Variants in CHD6 observed in about 807,000 individuals in gnomAD.
CHD6 encodes ATP-dependent chromatin remodeler CHD6.
CHD6 carries 50 observed loss-of-function variants against 276.9 expected under a neutral mutation model. That is an observed-to-expected ratio of 0.18 (90% CI 0.14 to 0.23). The LOEUF (loss-of-function observed/expected upper bound fraction) is 0.23. Among genes scored for constraint, CHD6 ranks in the 10% least tolerant of loss-of-function variants. The pLI is 1.00. For missense variants in CHD6, 2,564 were observed against 3,365.8 expected, an observed-to-expected ratio of 0.76 and a Z score of 5.89; for synonymous variants, 1,173 against 1,229.3, an observed-to-expected ratio of 0.95 and a Z score of 0.96.
chr20:41,460,883 T>C (rs939256767), intron 17 of CHD6, among the ~76,000 whole-genome samples: 1 of 152,142 alleles, frequency 6.6e-6, no homozygotes, highest in Non-Finnish European at 1.5e-5. Context: ...GTTCGCACTG[T>C]GTGCCTGGAG....
In CHD6 at chr20:41,514,897, C is replaced by A; in HGVS notation, c.610G>T (p.Glu204Ter). The part of the protein sequence containing the change: ...EKKKKGKRKS[E>*]TTVESLELDQ... ...AGCTCTAAACTCTCCACTGTAGTTT[C>A]ACTTTTCCTTTTTCCTTTCTTCTTT... Residue 204 changes from glutamate to a stop codon, truncating the protein, a stop_gained, in exon 4 of 37, where the codon GAA becomes TAA. Transcript: ENST00000373233. LOFTEE classifies it high-confidence loss of function. The A allele has an allele frequency of 6.2e-7, 1 of 1,614,054 alleles. No homozygotes were observed. Among genetic ancestry groups the A allele is most frequent in the Non-Finnish European group, 8.5e-7 (1 of 1,179,916 alleles).
At chr20:41,555,111 AC>A (rs1469176256) in intron 1 of CHD6, among the ~76,000 whole-genome samples, 1 of 117,502 alleles carries the variant, frequency 8.5e-6, no homozygotes, top group Non-Finnish European at 1.8e-5. Context: ...CGGGGGGCTG[AC>A]CCCCCCACCT....
At chr20:41,423,009 G>A (rs1260504786) in intron 30 of CHD6, among the ~76,000 whole-genome samples, 2 of 152,248 alleles carry the variant, frequency 1.3e-5, no homozygotes, top group African/African-American at 4.8e-5. Context: ...GCTGTTGCAA[G>A]TGCCAACCAT....
intron 17 of CHD6, among the ~76,000 whole-genome samples, chr20:41,472,257 A>AC (rs2043072085): frequency 6.8e-6 from 1 of 147,338 alleles, no homozygotes; most frequent in African/African-American, 2.6e-5. Context: ...AAAAAAAAAA[A>AC]GAAAGGAATA....
At chr20:41,597,831 C>A (rs749935630) in intron 1 of CHD6, among the ~76,000 whole-genome samples, 7 of 151,962 alleles carry the variant, frequency 4.6e-5, no homozygotes, top group Non-Finnish European at 8.8e-5. Context: ...TCTTGTTATA[C>A]CCTGTGGAGA....
rs2046568886 is a variant in CHD6, at chr20:41,402,762, CCTTT to C, written c.*1827_*1830del. The C allele has an allele frequency of 4.8e-6, 1 of 209,696 alleles. No homozygotes were observed. The highest frequency in any genetic ancestry group is 7.3e-5 in the East Asian group (1 of 13,702). The allele number at this position is 209,696 out of a possible 1,614,324, so 13.0% of individuals were successfully genotyped here. A position where few individuals can be genotyped will look rare whatever the true frequency, so the allele number is the denominator to read the frequency against. ...TTTAGGATTTAACAGCTGAAAAAACCCTTTCTGCTTCCACTGGAGGCAAAACTGA... is the reference window on the plus strand; with the variant it reads ...TTTAGGATTTAACAGCTGAAAAAACCCTGCTTCCACTGGAGGCAAAACTGA... On this transcript the variant is annotated 3_prime_UTR_variant, in exon 37 of 37. Coordinates refer to ENST00000373233, the MANE Select transcript of CHD6 (RefSeq NM_032221.5).
At chr20:41,559,019 G>A (rs2045271813) in intron 1 of CHD6, among the ~76,000 whole-genome samples, 1 of 152,148 alleles carries the variant, frequency 6.6e-6, no homozygotes, top group Non-Finnish European at 1.5e-5. Flanking sequence ...ACTTAAGGCA[G>A]GTCCTCTAAT....
In CHD6 at chr20:41,404,155, G is replaced by A. The variant is rs916678064; in HGVS notation, c.*438C>T. 8.5e-6 allele frequency: 9 copies of A among 1,060,372 alleles called. No individual in the cohort carries two copies. Among genetic ancestry groups the A allele is most frequent in the Non-Finnish European group, 8.0e-6 (7 of 876,948 alleles). 65.7% of individuals were successfully genotyped at this position (1,060,372 alleles called of 1,614,324 possible). A position where few individuals can be genotyped will look rare whatever the true frequency, so the allele number is the denominator to read the frequency against. ...AGCACTTCCTTTTTCTGTGCTTTTT[G>A]GTTCCCTGTGACATTCTTCCTGTGC... On this transcript the variant is annotated 3_prime_UTR_variant, in exon 37 of 37. Coordinates refer to ENST00000373233, the MANE Select transcript of CHD6 (RefSeq NM_032221.5).
intron 1 of CHD6, among the ~76,000 whole-genome samples, chr20:41,552,068 G>C (rs577655158): frequency 1.3e-5 from 2 of 152,166 alleles, no homozygotes; most frequent in African/African-American, 4.8e-5. Context: ...AAAGTGTGTC[G>C]GGGCATTTCA....
chr20:41,438,990 C>T (rs1360590680), intron 26 of CHD6, among the ~76,000 whole-genome samples: 1 of 152,190 alleles, frequency 6.6e-6, no homozygotes, highest in East Asian at 1.9e-4. Context: ...TCAGGTCTGG[C>T]CACAGACCTG....
At chr20:41,593,755 T>C (rs542030835) in intron 1 of CHD6, among the ~76,000 whole-genome samples, 3 of 152,206 alleles carry the variant, frequency 2.0e-5, no homozygotes, top group Admixed American at 6.5e-5. Flanking sequence ...ACTGGTATCC[T>C]TACAAAAAGA....
At chr20:41,583,330 T>C (rs188052376) in intron 1 of CHD6, among the ~76,000 whole-genome samples, 8 of 151,868 alleles carry the variant, frequency 5.3e-5, no homozygotes, top group Non-Finnish European at 8.8e-5. Context: ...AATAAAAAAT[T>C]CACCAGACTA....
chr20:41,594,194 C>A (rs1364518458), intron 1 of CHD6, among the ~76,000 whole-genome samples: 1 of 152,070 alleles, frequency 6.6e-6, no homozygotes, highest in Non-Finnish European at 1.5e-5. Flanking sequence ...CTGTTGGAAC[C>A]TTTTTACCTA....
At chr20:41,513,830 T>C (rs2044180961) in intron 4 of CHD6, among the ~76,000 whole-genome samples, 1 of 152,168 alleles carries the variant, frequency 6.6e-6, no homozygotes, top group Admixed American at 6.5e-5. Context: ...CTCCTGAGTG[T>C]CTCTCTTCTG....
Position 41,455,793 on chromosome 20 carries a change from C to A in CHD6, c.3009+7G>T. 4 of 1,573,020 alleles carry A rather than the reference C, an allele frequency of 2.5e-6. No homozygotes were observed. Among genetic ancestry groups the A allele is most frequent in the Non-Finnish European group, 3.4e-6 (4 of 1,160,826 alleles). Reference sequence around the variant, plus strand: ...CCCCCAACAGCTCTGGAGAGAAGGCCCTGTACCTTGGCAAAAGTGGACCCT... The same window carrying A: ...CCCCCAACAGCTCTGGAGAGAAGGCACTGTACCTTGGCAAAAGTGGACCCT... On this transcript the variant is annotated splice_region_variant and intron_variant, in intron 19 of 36. Coordinates refer to ENST00000373233, the MANE Select transcript of CHD6 (RefSeq NM_032221.5).
At chr20:41,409,181 T>C (rs1461562192) in intron 36 of CHD6, among the ~76,000 whole-genome samples, 1 of 152,200 alleles carries the variant, frequency 6.6e-6, no homozygotes, top group Non-Finnish European at 1.5e-5. Context: ...AAGTCAGCTT[T>C]AACCATGTCC....
chr20:41,484,727 A>C (rs1377223976), intron 14 of CHD6, 120 bp from the exon 15 acceptor site: 3 of 1,034,330 alleles, frequency 2.9e-6, no homozygotes, highest in Admixed American at 2.2e-5. Flanking sequence ...TAGTAGACTA[A>C]AAGAAAGATT....
At chr20:41,405,519 A>C in intron 36 of CHD6, 30 bp from the exon 37 acceptor site, 3 of 1,520,240 alleles carry the variant, frequency 2.0e-6, no homozygotes, top group Non-Finnish European at 2.7e-6. Context: ...CAAAATGCTG[A>C]AGGCAACAGG....
At chr20:41,485,823 G>A (rs1182191380) in intron 14 of CHD6, 4 of 152,122 alleles carry the variant, frequency 2.6e-5, no homozygotes, top group African/African-American at 9.7e-5. Context: ...TCTGAAGATT[G>A]CTGAGAGTGG....
Sources: gnomAD v4.1 joint callset for allele counts (sites outside exome capture counted in the v4.1 genomes callset) on GRCh38, gnomAD v4.1.1 for gene constraint, MANE v1.5 for transcripts, NCBI Gene and HGNC (gene_info 2026-07-23, HGNC 2026-07-21) for gene names.